Variants in ARMC9 observed in about 807,000 individuals in gnomAD.
The protein encoded by ARMC9 is armadillo repeat containing 9.
In ARMC9, 94 loss-of-function variants were observed where a neutral mutation model predicts 107.0. That is an observed-to-expected ratio of 0.88 (90% CI 0.74 to 1.04). ARMC9 has a LOEUF of 1.04. Among genes scored for constraint, ARMC9 ranks in the 50% least tolerant of loss-of-function variants. ARMC9 has a pLI of 0.00. For synonymous variants in ARMC9, 380 were observed against 396.9 expected, an observed-to-expected ratio of 0.96 and a Z score of 0.51; for missense variants, 942 against 1,030.1, an observed-to-expected ratio of 0.91 and a Z score of 1.17.
rs1204634589 is a variant in ARMC9 at position 231,255,714 on chromosome 2, TTTGG to T, written c.880-866_880-863del. On this transcript the variant is annotated intron_variant, in intron 9 of 24. Transcript: ENST00000611582. The surrounding 1 kb of genome is among the most constrained non-coding windows in gnomAD (Gnocchi z 4.7). Reference sequence around the variant, plus strand: ...GGTTGATTTTTACATCGTATGTGACTTTGGTTGGTGAATCCTGGTGGATTAAAAC... The same window carrying T: ...GGTTGATTTTTACATCGTATGTGACTTTGGTGAATCCTGGTGGATTAAAAC... Among the ~76,000 whole-genome samples the T allele has an allele frequency of 1.3e-5, 2 of 152,156 alleles. No individual in the cohort carries two copies. Among genetic ancestry groups the T allele is most frequent in the South Asian group, 2.1e-4 (1 of 4,832 alleles).
intron 17 of ARMC9, among the ~76,000 whole-genome samples, chr2:231,290,128 TA>T: frequency 6.6e-6 from 1 of 152,248 alleles, no homozygotes; most frequent in Non-Finnish European, 1.5e-5. Flanking sequence ...CTTTGTCTTT[TA>T]AAAATTTCAA....
intron 19 of ARMC9, among the ~76,000 whole-genome samples, chr2:231,330,142 G>A (rs561630384): frequency 6.6e-6 from 1 of 151,962 alleles, no homozygotes; most frequent in Non-Finnish European, 1.5e-5. Flanking sequence ...CATACAATGT[G>A]GACTACTATA....
intron 19 of ARMC9, among the ~76,000 whole-genome samples, chr2:231,326,230 G>A (rs1234157338): frequency 1.3e-5 from 2 of 152,210 alleles, no homozygotes; most frequent in African/African-American, 4.8e-5. Context: ...ACTCAGAGCT[G>A]GGCTACTGCT....
In ARMC9 at chr2:231,320,602, C is replaced by T. The variant is rs139797157; in HGVS notation, c.1774-11191C>T. On this transcript the variant is annotated intron_variant, in intron 19 of 24. Transcript: ENST00000611582. ...TAGTGTCCTTTCCTTCCTTTTCTTC[C>T]GTATAGTGTCCACTCGCTGGTCTTT... Among the ~76,000 whole-genome samples, 568 of 151,624 alleles carry T rather than the reference C, an allele frequency of 3.7e-3. 6 individuals carry two copies. The highest frequency in any genetic ancestry group is 0.027 in the Middle Eastern group (8 of 292).
At chr2:231,364,075 G>T (rs1383072273) in intron 23 of ARMC9, among the ~76,000 whole-genome samples, 4 of 152,298 alleles carry the variant, frequency 2.6e-5, no homozygotes, top group African/African-American at 9.6e-5. Context: ...ATCCTGCGAA[G>T]AGCCAAAGTG....
intron 9 of ARMC9, among the ~76,000 whole-genome samples, chr2:231,251,737 T>A (rs773626518): frequency 2.6e-5 from 4 of 152,186 alleles, no homozygotes; most frequent in East Asian, 1.9e-4. Context: ...TTTTATTATT[T>A]TTTTTTGAGA....
chr2:231,317,983 A>G (rs895203355), intron 19 of ARMC9, among the ~76,000 whole-genome samples: 5 of 151,556 alleles, frequency 3.3e-5, no homozygotes, highest in Non-Finnish European at 7.4e-5. Flanking sequence ...TACTAAATCT[A>G]ACATCTGGGC....
chr2:231,212,534 C>T (rs981363302), intron 3 of ARMC9, among the ~76,000 whole-genome samples: 2 of 151,368 alleles, frequency 1.3e-5, no homozygotes, highest in East Asian at 3.9e-4. Flanking sequence ...GCGCTCACCT[C>T]ATCCACACAG....
chr2:231,261,279 G>A (rs771829001), intron 11 of ARMC9, among the ~76,000 whole-genome samples: 6 of 152,146 alleles, frequency 3.9e-5, no homozygotes, highest in South Asian at 2.1e-4. Context: ...GCACATACCC[G>A]TTATACATGC....
At chr2:231,199,826 G>C (rs985275331) in intron 1 of ARMC9, among the ~76,000 whole-genome samples, 6 of 152,034 alleles carry the variant, frequency 3.9e-5, no homozygotes, top group African/African-American at 1.4e-4. Context: ...CTCCCTGGTA[G>C]CTGGGATTAC....
rs780276910 is a variant in ARMC9, at chr2:231,344,971, C to T, written c.1879-4C>T. 1 of 1,613,778 alleles carries T rather than the reference C, an allele frequency of 6.2e-7. No homozygotes were observed. Among genetic ancestry groups the T allele is most frequent in the Non-Finnish European group, 8.5e-7 (1 of 1,179,978 alleles). ...CAGCCCTTTTTTCTCTTTCCTTCCACCAGATCATGACCAACACGGGGAAGA... is the reference window on the plus strand; with the variant it reads ...CAGCCCTTTTTTCTCTTTCCTTCCATCAGATCATGACCAACACGGGGAAGA... On this transcript the variant is annotated splice_polypyrimidine_tract_variant and splice_region_variant and intron_variant, in intron 20 of 24. Transcript: ENST00000611582.
chr2:231,309,019 C>T (rs1360173396), intron 19 of ARMC9, among the ~76,000 whole-genome samples: 1 of 152,234 alleles, frequency 6.6e-6, no homozygotes, highest in African/African-American at 2.4e-5. Context: ...CTTGCAGGAC[C>T]TTTCCATTAT....
chr2:231,227,899 G>A (rs1180267717), intron 7 of ARMC9, among the ~76,000 whole-genome samples: 1 of 152,324 alleles, frequency 6.6e-6, no homozygotes, highest in East Asian at 1.9e-4. Flanking sequence ...GAGGGGACAG[G>A]CCCTGCTGGC....
chr2:231,345,483 A>G (rs1404893011), intron 21 of ARMC9, among the ~76,000 whole-genome samples: 6 of 152,188 alleles, frequency 3.9e-5, no homozygotes, highest in African/African-American at 7.2e-5. Context: ...CTCGAAATCA[A>G]TTTATTTTAG....
chr2:231,235,459 C>T, intron 8 of ARMC9, 78 bp downstream of exon 8: 2 of 1,491,028 alleles, frequency 1.3e-6, no homozygotes, highest in South Asian at 1.5e-5. Context: ...GTTGATATGG[C>T]AGGTGGAGCC....
At chr2:231,371,310 A>T (rs1340736092) in intron 24 of ARMC9, among the ~76,000 whole-genome samples, 1 of 152,166 alleles carries the variant, frequency 6.6e-6, no homozygotes, top group African/African-American at 2.4e-5. Flanking sequence ...AGCAAAGCTG[A>T]CTGAGTGACC....
In ARMC9 at chr2:231,273,092, A is replaced by G. The variant is rs1438184591; in HGVS notation, c.1334+14A>G. ...GTTCAGTCTCAGGTAACGACTGTGC[A>G]ATAGGTCACGGTGTCTCCTGTGAGA... On this transcript the variant is annotated intron_variant, in intron 14 of 24. Coordinates refer to ENST00000611582, the MANE Select transcript of ARMC9 (RefSeq NM_001352754.2). The G allele has an allele frequency of 1.2e-6, 2 of 1,610,462 alleles. No homozygotes were observed. The highest frequency in any genetic ancestry group is 2.7e-5 in the African/African-American group (2 of 74,814).
At chr2:231,237,206 G>GTA (rs2035799549) in intron 8 of ARMC9, among the ~76,000 whole-genome samples, 1 of 150,130 alleles carries the variant, frequency 6.7e-6, no homozygotes, top group South Asian at 2.1e-4. Context: ...GTGTGTGTGT[G>GTA]TACACACATG....
At chr2:231,217,409 C>A (rs967308453) in intron 5 of ARMC9, among the ~76,000 whole-genome samples, 6 of 151,998 alleles carry the variant, frequency 3.9e-5, no homozygotes, top group African/African-American at 1.5e-4. Flanking sequence ...CATGGGGAGA[C>A]CCCGTCTCTA....
Sources: allele counts gnomAD v4.1 joint callset (sites outside exome capture counted in the v4.1 genomes callset), GRCh38; gene constraint gnomAD v4.1.1; non-coding constraint Gnocchi (gnomAD v3.1); transcripts MANE v1.5; gene names NCBI Gene and HGNC (gene_info 2026-07-23, HGNC 2026-07-21).